LRRC4C: variants seen among roughly 807,000 people sequenced by gnomAD.
The protein encoded by LRRC4C is leucine-rich repeat-containing protein 4C.
Under a neutral mutation model 33.6 loss-of-function variants are expected in LRRC4C, and 5 were observed. That is an observed-to-expected ratio of 0.15 (90% CI 0.08 to 0.31). The LOEUF (loss-of-function observed/expected upper bound fraction) is 0.31. LRRC4C is among the 10% of genes least tolerant of loss of function. The probability of loss-of-function intolerance (pLI) is 1.00; values close to 1 mark genes in which losing one functional copy is unlikely to be tolerated. For missense variants in LRRC4C, 560 were observed against 796.7 expected, an observed-to-expected ratio of 0.70 and a Z score of 3.58; for synonymous variants, 329 against 302.0, an observed-to-expected ratio of 1.09 and a Z score of -0.93.
At chr11:40,693,451 T>C (rs1183476819) in intron 2 of LRRC4C, among the ~76,000 whole-genome samples, 3 of 152,196 alleles carry the variant, frequency 2.0e-5, no homozygotes, top group South Asian at 2.1e-4. Context: ...GTGGAATAAA[T>C]CTGAATGAAG....
intron 1 of LRRC4C, among the ~76,000 whole-genome samples, chr11:41,160,631 T>C (rs1323492199): frequency 4.6e-5 from 7 of 152,120 alleles, no homozygotes; most frequent in Non-Finnish European, 1.0e-4. Flanking sequence ...CTTTATTCAT[T>C]TATTTAAGTA....
chr11:40,262,497 A>T (rs1307556040), intron 4 of LRRC4C, among the ~76,000 whole-genome samples: 1 of 152,168 alleles, frequency 6.6e-6, no homozygotes, highest in East Asian at 1.9e-4. Context: ...TACCCAAAGG[A>T]TTATAAATCA....
At chr11:40,385,440 A>T (rs1949067629) in intron 3 of LRRC4C, among the ~76,000 whole-genome samples, 1 of 152,202 alleles carries the variant, frequency 6.6e-6, no homozygotes, top group African/African-American at 2.4e-5. Context: ...GAACATTTTT[A>T]AAAATTACAA....
intron 6 of LRRC4C, among the ~76,000 whole-genome samples, chr11:40,139,322 G>A (rs1253290260): frequency 1.3e-5 from 2 of 152,078 alleles, no homozygotes; most frequent in Non-Finnish European, 2.9e-5. Context: ...GACATTTTTT[G>A]GACTGCAATT....
intron 1 of LRRC4C, among the ~76,000 whole-genome samples, chr11:41,375,373 A>G (rs748765242): frequency 1.5e-4 from 23 of 152,206 alleles, no homozygotes; most frequent in Non-Finnish European, 3.1e-4. Context: ...GAGGAGATGT[A>G]CATTTGATAG....
chr11:40,311,158 C>G (rs1945285403), intron 4 of LRRC4C, among the ~76,000 whole-genome samples: 1 of 152,198 alleles, frequency 6.6e-6, no homozygotes, highest in African/African-American at 2.4e-5. Context: ...GCGGAAGCCA[C>G]CCAGACATTC....
chr11:40,246,644 T>C (rs1359724523), intron 4 of LRRC4C, among the ~76,000 whole-genome samples: 4 of 152,172 alleles, frequency 2.6e-5, no homozygotes, highest in Non-Finnish European at 5.9e-5. Flanking sequence ...ATATATCTTC[T>C]GTTTTTTTTA....
At chr11:40,538,097 A>C (rs1956550801) in intron 3 of LRRC4C, among the ~76,000 whole-genome samples, 1 of 152,166 alleles carries the variant, frequency 6.6e-6, no homozygotes, top group Non-Finnish European at 1.5e-5. Flanking sequence ...AGTTTAAAAA[A>C]TATGGGCCAA....
chr11:41,198,119 A>G (rs1329310307), intron 1 of LRRC4C, among the ~76,000 whole-genome samples: 1 of 152,028 alleles, frequency 6.6e-6, no homozygotes, highest in Admixed American at 6.6e-5. Context: ...TATCTATGAC[A>G]AAAAATAAAG....
chr11:40,616,092 G>GA (rs1961791511), intron 3 of LRRC4C, among the ~76,000 whole-genome samples: 1 of 151,954 alleles, frequency 6.6e-6, no homozygotes, highest in African/African-American at 2.4e-5. Context: ...ATCAAAAAGT[G>GA]GCTGAAGGAT....
chr11:40,883,488 T>C (rs1319746669), intron 2 of LRRC4C, among the ~76,000 whole-genome samples: 1 of 152,070 alleles, frequency 6.6e-6, no homozygotes, highest in Non-Finnish European at 1.5e-5. Flanking sequence ...ATATAAATGC[T>C]TTAATATAGG....
intron 1 of LRRC4C, among the ~76,000 whole-genome samples, chr11:41,026,234 G>A (rs1856347218): frequency 6.6e-6 from 1 of 151,696 alleles, no homozygotes; most frequent in South Asian, 2.1e-4. Context: ...TGCAATTCAT[G>A]GGAGGAGGCC....
At chr11:40,283,737 T>C (rs1943644800) in intron 4 of LRRC4C, among the ~76,000 whole-genome samples, 1 of 133,096 alleles carries the variant, frequency 7.5e-6, no homozygotes, top group Admixed American at 8.4e-5. Context: ...GGAGTTTCAC[T>C]CTCGTTACCC....
chr11:41,175,130 T>C (rs1021222314), intron 1 of LRRC4C, among the ~76,000 whole-genome samples: 2 of 152,032 alleles, frequency 1.3e-5, no homozygotes, highest in African/African-American at 2.4e-5. Context: ...CAGCCACTAT[T>C]CTCCCATCTG....
chr11:41,295,877 T>G (rs983888279), intron 1 of LRRC4C, among the ~76,000 whole-genome samples: 1 of 152,228 alleles, frequency 6.6e-6, no homozygotes, highest in African/African-American at 2.4e-5. Flanking sequence ...AACACTATTT[T>G]GCTAAGCCCT....
chr11:40,780,602 T>C (rs1950174704), intron 2 of LRRC4C, among the ~76,000 whole-genome samples: 1 of 152,112 alleles, frequency 6.6e-6, no homozygotes, highest in South Asian at 2.1e-4. Context: ...TTTGACCTTT[T>C]TTAAATATGT....
intron 3 of LRRC4C, among the ~76,000 whole-genome samples, chr11:40,452,140 A>G (rs1951915462): frequency 6.6e-6 from 1 of 152,162 alleles, no homozygotes. Context: ...GGTAGATAAA[A>G]CCACAAAAGC....
chr11:41,164,729 T>C (rs1944640176), intron 1 of LRRC4C, among the ~76,000 whole-genome samples: 1 of 152,112 alleles, frequency 6.6e-6, no homozygotes. Context: ...AGGCAGGGCT[T>C]GCATGTCTGA....
chr11:40,873,060 A>G (rs913610274), intron 2 of LRRC4C, among the ~76,000 whole-genome samples: 5 of 152,204 alleles, frequency 3.3e-5, no homozygotes, highest in Admixed American at 6.5e-5. Context: ...TATTGAGAAT[A>G]AAAGCCAATG....
Sources: allele counts gnomAD v4.1 joint callset (sites outside exome capture counted in the v4.1 genomes callset), GRCh38; gene constraint gnomAD v4.1.1; transcripts MANE v1.5; gene names NCBI Gene and HGNC (gene_info 2026-07-23, HGNC 2026-07-21).